SLC39A11: variants seen among roughly 807,000 people sequenced by gnomAD.
The protein encoded by SLC39A11 is zinc transporter ZIP11.
A neutral mutation model predicts 36.1 loss-of-function variants in SLC39A11; 33 were observed. That is an observed-to-expected ratio of 0.91 (90% CI 0.69 to 1.22). SLC39A11 has a LOEUF of 1.22. SLC39A11 is among the 50% of genes most tolerant of loss of function. The pLI is 0.00. For missense variants in SLC39A11, 432 were observed against 430.3 expected, an observed-to-expected ratio of 1.00 and a Z score of -0.03; for synonymous variants, 166 against 170.3, an observed-to-expected ratio of 0.97 and a Z score of 0.20.
chr17:72,919,256 C>A (rs1252991130), intron 5 of SLC39A11, among the ~76,000 whole-genome samples: 1 of 151,576 alleles, frequency 6.6e-6, no homozygotes, highest in African/African-American at 2.4e-5. Context: ...CCCACTCTTG[C>A]TGATAATAAT....
chr17:73,025,808 T>C (rs975709423), intron 4 of SLC39A11, among the ~76,000 whole-genome samples: 7 of 152,176 alleles, frequency 4.6e-5, no homozygotes, highest in Admixed American at 3.9e-4. Context: ...ACAGTATCAT[T>C]GGTTTTCTTT....
intron 7 of SLC39A11, among the ~76,000 whole-genome samples, chr17:72,689,846 T>C (rs371444692): frequency 6.6e-6 from 1 of 152,122 alleles, no homozygotes; most frequent in African/African-American, 2.4e-5. Context: ...TTTGGGGTGA[T>C]GAAAACATTT....
intron 2 of SLC39A11, 88 bp from the exon 3 acceptor site, chr17:73,084,934 G>C: frequency 7.0e-7 from 1 of 1,428,048 alleles, no homozygotes; most frequent in Non-Finnish European, 9.9e-7. Flanking sequence ...GCCCAAAAGA[G>C]CCACGCAAAT....
At position 72,975,207 on chromosome 17, in the gene SLC39A11, G is replaced by T. The variant is rs569940649; in HGVS notation, c.307-27332C>A. Among the ~76,000 whole-genome samples the T allele has an allele frequency of 4.6e-5, 7 of 152,282 alleles. No individual in the cohort carries two copies. The East Asian group carries it at 5.8e-4, about 13-fold the overall frequency. ...GAATCCTCACAATTTGGGAGGCCAA[G>T]GCACATGGATCACCTAAGGTCAGGA... On this transcript the variant is annotated intron_variant, in intron 4 of 9. Transcript: ENST00000255559.
At chr17:73,076,067 C>T (rs2060309558) in intron 3 of SLC39A11, among the ~76,000 whole-genome samples, 1 of 151,964 alleles carries the variant, frequency 6.6e-6, no homozygotes, top group African/African-American at 2.4e-5. Flanking sequence ...AAAATCTTTT[C>T]CACCCTTTAA....
intron 5 of SLC39A11, among the ~76,000 whole-genome samples, chr17:72,936,252 T>A (rs190537534): frequency 1.3e-5 from 2 of 151,966 alleles, no homozygotes; most frequent in South Asian, 4.2e-4. Context: ...TCACAATTTG[T>A]ATTTCACAGG....
rs117449611 is a variant in SLC39A11, at chr17:72,820,188, C to T, written c.601+29446G>A. 5.3e-3 allele frequency among the ~76,000 whole-genome samples: 805 copies of T among 151,324 alleles called. 35 individuals are homozygous for T. The highest frequency in any genetic ancestry group is 8.8e-3 in the Non-Finnish European group (592 of 67,488). ...ATTGTAATAAAAGTGGTACCATTGC[C>T]TGCTGGAAAAGGTAGGTATGGGAGA... On this transcript the variant is annotated intron_variant, in intron 6 of 9. Coordinates refer to ENST00000255559, the MANE Select transcript of SLC39A11 (RefSeq NM_139177.4).
intron 5 of SLC39A11, among the ~76,000 whole-genome samples, chr17:72,924,113 T>G (rs539429246): frequency 5.1e-4 from 72 of 140,652 alleles, no homozygotes; most frequent in African/African-American, 1.9e-3. Flanking sequence ...ACCACTGCAC[T>G]CCAGCATGGG....
At chr17:73,031,988 C>A (rs1244806454) in intron 3 of SLC39A11, among the ~76,000 whole-genome samples, 2 of 152,114 alleles carry the variant, frequency 1.3e-5, no homozygotes, top group Non-Finnish European at 2.9e-5. Context: ...TTCAGTGGTT[C>A]TCAACCAGCA....
intron 6 of SLC39A11, among the ~76,000 whole-genome samples, chr17:72,777,358 T>A (rs1396400197): frequency 1.3e-5 from 2 of 151,752 alleles, no homozygotes; most frequent in East Asian, 1.9e-4. Context: ...TTGACCAGTA[T>A]CCCCCCAAAA....
At chr17:72,993,101 T>C (rs1598757219) in intron 4 of SLC39A11, among the ~76,000 whole-genome samples, 1 of 152,154 alleles carries the variant, frequency 6.6e-6, no homozygotes, top group African/African-American at 2.4e-5. Flanking sequence ...CCAGGACATG[T>C]GGGAATTGTG....
chr17:72,832,163 A>G (rs908193371), intron 6 of SLC39A11, among the ~76,000 whole-genome samples: 4 of 152,214 alleles, frequency 2.6e-5, no homozygotes, highest in Admixed American at 6.5e-5. Context: ...TGAGCCGTGA[A>G]TGAGGATGTG....
intron 3 of SLC39A11, among the ~76,000 whole-genome samples, chr17:73,081,670 C>CACATATATGTATATATGTATGT (rs2060523492): frequency 6.1e-5 from 5 of 82,224 alleles, no homozygotes; most frequent in South Asian, 9.4e-4. Context: ...CACACACACA[C>CACATATATGTATATATGTATGT]ATATATATAC....
chr17:72,718,121 A>G (rs755293537), intron 7 of SLC39A11, among the ~76,000 whole-genome samples: 3 of 152,136 alleles, frequency 2.0e-5, no homozygotes, highest in Non-Finnish European at 2.9e-5. Flanking sequence ...CTAGGCTTGC[A>G]TTTCGTAATG....
chr17:73,071,632 T>C (rs913966728), intron 3 of SLC39A11, among the ~76,000 whole-genome samples: 1 of 152,206 alleles, frequency 6.6e-6, no homozygotes, highest in Non-Finnish European at 1.5e-5. Flanking sequence ...TCATAAACAT[T>C]GCATCAGGGG....
At chr17:72,796,467 G>A (rs900660537) in intron 6 of SLC39A11, among the ~76,000 whole-genome samples, 6 of 152,108 alleles carry the variant, frequency 3.9e-5, no homozygotes, top group Non-Finnish European at 8.8e-5. Flanking sequence ...CCCTCCCCGT[G>A]GAGCTGGGCT....
intron 5 of SLC39A11, among the ~76,000 whole-genome samples, chr17:72,888,928 A>G (rs544876755): frequency 6.6e-6 from 1 of 152,198 alleles, no homozygotes; most frequent in Admixed American, 6.5e-5. Flanking sequence ...AAAAGAAAAA[A>G]CGAAAGTGTA....
chr17:72,773,369 A>C (rs2076015635), intron 6 of SLC39A11, among the ~76,000 whole-genome samples: 1 of 152,130 alleles, frequency 6.6e-6, no homozygotes, highest in Admixed American at 6.5e-5. Flanking sequence ...TAATTGAGTC[A>C]TGGGGGTGGC....
At chr17:72,719,067 C>A (rs1375051801) in intron 7 of SLC39A11, among the ~76,000 whole-genome samples, 1 of 143,116 alleles carries the variant, frequency 7.0e-6, no homozygotes, top group Non-Finnish European at 1.5e-5. Flanking sequence ...GGCAAAACCC[C>A]GAATCTACTA....
Sources: gnomAD v4.1 joint callset for allele counts (sites outside exome capture counted in the v4.1 genomes callset) on GRCh38, gnomAD v4.1.1 for gene constraint, MANE v1.5 for transcripts, NCBI Gene and HGNC (gene_info 2026-07-23, HGNC 2026-07-21) for gene names.